The following OR10D3 variants were observed in gnomAD, a reference collection of about 807,000 sequenced individuals.
OR10D3 encodes olfactory receptor 10D3.
For missense variants in OR10D3, 286 were observed against 153.7 expected (o/e 1.86, Z -4.55); for synonymous variants, 100 against 57.6 (o/e 1.74, Z -3.33).
exon 2 of OR10D3, chr11:124,187,796 A>C (rs1227133718): frequency 6.6e-6 from 1 of 152,216 alleles, no homozygotes; most frequent in East Asian, 1.9e-4. Context: ...ATTATCTTTT[A>C]TAGAGCCCTG....
chr11:124,185,358 T>A lies in OR10D3; in HGVS notation c.89T>A (p.Leu30Ter). The change falls in exon 2 of 2, where the codon TTA becomes TAA. Residue 30 changes from leucine to a stop codon, truncating the protein, a stop_gained. Transcript: ENST00000641351. LOFTEE classifies it high-confidence loss of function. ...GGGCTGGAGATGACACTTTTTGTCT[T>A]ATTCTTGCCCTTCTATGCCTGCACT... 1 of 703,304 alleles carries A rather than the reference T, an allele frequency of 1.4e-6. No homozygotes were observed. The highest frequency in any genetic ancestry group is 2.6e-6 in the Non-Finnish European group (1 of 385,070). 43.6% of individuals were successfully genotyped at this position (703,304 alleles called of 1,614,324 possible).
chr11:124,183,456 CTCTCTT>C (rs1861185766), intron 1 of OR10D3, 73 bp downstream of exon 1: 1 of 150,230 alleles, frequency 6.7e-6, no homozygotes, highest in African/African-American at 2.5e-5. Context: ...CTCTCTTTCT[CTCTCTT>C]TCTCTTTCTT....
chr11:124,187,764 T>C (rs1861242796), exon 2 of OR10D3: 1 of 152,194 alleles, frequency 6.6e-6, no homozygotes, highest in Non-Finnish European at 1.5e-5. Context: ...TAAATTTCTG[T>C]CTTTGGTTCA....
chr11:124,185,127 A>G, intron 1 of OR10D3, 132 bp from the exon 2 acceptor site: 4 of 593,384 alleles, frequency 6.7e-6, no homozygotes, highest in Non-Finnish European at 1.2e-5. Flanking sequence ...TTGAATCACA[A>G]GCAGCCTTTC....
chr11:124,187,620 T>C (rs1827807754), exon 2 of OR10D3: 1 of 152,232 alleles, frequency 6.6e-6, no homozygotes, highest in Admixed American at 6.5e-5. Context: ...CAGCTTCATA[T>C]TCTCCTTTTT....
chr11:124,185,985 C>T, exon 2 of OR10D3: 1 of 703,426 alleles, frequency 1.4e-6, no homozygotes, highest in Non-Finnish European at 2.6e-6. Flanking sequence ...CGTGCCTTCT[C>T]CACCTGCAGT....
intron 1 of OR10D3, among the ~76,000 whole-genome samples, chr11:124,184,916 A>G (rs532776617): frequency 6.6e-6 from 1 of 152,328 alleles, no homozygotes; most frequent in South Asian, 2.1e-4. Flanking sequence ...AATAATCCTG[A>G]CATTTCACAT....
intron 1 of OR10D3, among the ~76,000 whole-genome samples, chr11:124,183,819 T>C (rs1201940850): frequency 6.6e-6 from 1 of 152,170 alleles, no homozygotes; most frequent in African/African-American, 2.4e-5. Context: ...AGAGCATGGA[T>C]CTACTGGCCA....
At chr11:124,186,066 C>T (rs201794611) in exon 2 of OR10D3, 2 of 703,386 alleles carry the variant, frequency 2.8e-6, no homozygotes, top group Non-Finnish European at 5.2e-6. Flanking sequence ...ACACCCAACC[C>T]CATGCTGGGA....
intron 1 of OR10D3, 74 bp from the exon 2 acceptor site, chr11:124,185,184 TC>T (rs1861205240): frequency 4.9e-6 from 3 of 608,028 alleles, no homozygotes; most frequent in Admixed American, 2.9e-5. Context: ...AAGTTTTATT[TC>T]TCCAGTATGT....
At chr11:124,188,764 C>T (rs1309900691) in exon 2 of OR10D3, 1 of 152,170 alleles carries the variant, frequency 6.6e-6, no homozygotes, top group South Asian at 2.1e-4. Context: ...ACTGCATTTT[C>T]CCTTTTCTCT....
At chr11:124,188,663 GGAAAATCTAACA>G (rs1162692608) in exon 2 of OR10D3, 8 of 152,122 alleles carry the variant, frequency 5.3e-5, no homozygotes, top group Non-Finnish European at 8.8e-5. Flanking sequence ...ATTGGCCAAG[GGAAAATCTAACA>G]AAAGATCTCA....
chr11:124,184,776 C>A (rs1861200463), intron 1 of OR10D3, among the ~76,000 whole-genome samples: 2 of 152,166 alleles, frequency 1.3e-5, no homozygotes, highest in Non-Finnish European at 2.9e-5. Flanking sequence ...AACTGCAAAG[C>A]AGGGATCAAC....
rs1238380891 is a variant in OR10D3 at position 124,186,256 on chromosome 11, A to T, written c.*48A>T. 2.4e-5 allele frequency: 15 copies of T among 630,448 alleles called. No individual in the cohort carries two copies. The Admixed American group carries it at 3.9e-4, about 16-fold the overall frequency. The allele number at this position is 630,448 out of a possible 1,614,324, so 39.1% of individuals were successfully genotyped here. On this transcript the variant is annotated 3_prime_UTR_variant, in exon 2 of 2. Transcript: ENST00000641351. ...TGGCTCTGGAATTCCTTTTGCTTTGACCTAAGAAATTTCATTCTGGAATCT... is the reference window on the plus strand; with the variant it reads ...TGGCTCTGGAATTCCTTTTGCTTTGTCCTAAGAAATTTCATTCTGGAATCT...
exon 2 of OR10D3, chr11:124,188,465 G>C (rs533528110): frequency 1.3e-5 from 2 of 152,162 alleles, no homozygotes; most frequent in Non-Finnish European, 2.9e-5. Context: ...CACTTCTCTC[G>C]TTAGGAAGTT....
intron 1 of OR10D3, among the ~76,000 whole-genome samples, chr11:124,183,850 T>C (rs1021660616): frequency 1.3e-5 from 2 of 152,170 alleles, no homozygotes; most frequent in African/African-American, 4.8e-5. Flanking sequence ...TCTTATTTGC[T>C]TGGTTTATCT....
At chr11:124,184,873 G>T (rs1861201754) in intron 1 of OR10D3, among the ~76,000 whole-genome samples, 1 of 152,102 alleles carries the variant, frequency 6.6e-6, no homozygotes. Context: ...CCGAATTGTG[G>T]TTCATATCTC....
exon 2 of OR10D3, chr11:124,188,236 A>C (rs1591377501): frequency 6.6e-6 from 1 of 152,330 alleles, no homozygotes; most frequent in Non-Finnish European, 1.5e-5. Context: ...ACGGAGACTC[A>C]AAAAAGAAGG....
chr11:124,184,816 TA>T (rs1170192042), intron 1 of OR10D3, among the ~76,000 whole-genome samples: 1 of 152,166 alleles, frequency 6.6e-6, no homozygotes, highest in Non-Finnish European at 1.5e-5. Flanking sequence ...AACGTAGACA[TA>T]AAATCTAACG....
Sources: gnomAD v4.1 joint callset for allele counts (sites outside exome capture counted in the v4.1 genomes callset) on GRCh38, gnomAD v4.1.1 for gene constraint, MANE v1.5 for transcripts, NCBI Gene and HGNC (gene_info 2026-07-23, HGNC 2026-07-21) for gene names.